The following ITPR2 variants were observed in gnomAD, a reference collection of about 807,000 sequenced individuals.
The protein encoded by ITPR2 is inositol 1,4,5-trisphosphate-gated calcium channel ITPR2.
In ITPR2, 207 loss-of-function variants were observed where a neutral mutation model predicts 317.1. The ratio of observed to expected loss-of-function variants is 0.65; its 90% CI spans 0.58 to 0.73. The LOEUF is 0.73. ITPR2 is among the 30% of genes least tolerant of loss of function. ITPR2 has a pLI of 0.00. For missense variants in ITPR2, 2,613 were observed against 3,284.0 expected, an observed-to-expected ratio of 0.80 and a Z score of 4.99; for synonymous variants, 1,156 against 1,149.1, an observed-to-expected ratio of 1.01 and a Z score of -0.12.
chr12:26,567,976 TATTATA>T (rs1945029799), intron 34 of ITPR2, among the ~76,000 whole-genome samples: 1 of 9,038 alleles, frequency 1.1e-4, no homozygotes, highest in Non-Finnish European at 4.3e-4. Context: ...ATATTATATA[TATTATA>T]TATATATATA....
intron 5 of ITPR2, chr12:26,721,302 C>A: frequency 1.6e-6 from 1 of 618,758 alleles, no homozygotes; most frequent in South Asian, 2.0e-5. Flanking sequence ...AAGATATCAC[C>A]AGATAATTTA....
chr12:26,605,126 A>ATATATATAT lies in ITPR2; in HGVS notation c.3463-2421_3463-2420insATATATATA, dbSNP rs373595249. On this transcript the variant is annotated intron_variant, in intron 26 of 56. Coordinates refer to ENST00000381340, the MANE Select transcript of ITPR2 (RefSeq NM_002223.4). The stretch of plus-strand genomic sequence containing the variant: ...ATAAAAATAAAAAATAAAAAATAAA[A>ATATATATAT]ATATATATATATATATGAGAAAGTG... 1.3e-3 allele frequency among the ~76,000 whole-genome samples: 171 copies of ATATATATAT among 136,312 alleles called. No homozygotes were observed. The East Asian group carries it at 0.019, about 15-fold the overall frequency. The allele number at this position is 136,312 out of a possible 152,430, so 89.4% of individuals were successfully genotyped here.
At chr12:26,602,097 T>C (rs1422315632) in intron 28 of ITPR2, among the ~76,000 whole-genome samples, 7 of 152,066 alleles carry the variant, frequency 4.6e-5, no homozygotes, top group East Asian at 3.9e-4. Context: ...TCGAAAACAA[T>C]TGGGACAAAG....
At chr12:26,570,561 G>A (rs950384732) in intron 34 of ITPR2, among the ~76,000 whole-genome samples, 1 of 151,968 alleles carries the variant, frequency 6.6e-6, no homozygotes, top group Admixed American at 6.6e-5. Context: ...GGGACAAGTT[G>A]GCTTGTAAAT....
intron 13 of ITPR2, among the ~76,000 whole-genome samples, chr12:26,667,931 C>T (rs1342641870): frequency 6.6e-6 from 1 of 151,888 alleles, no homozygotes; most frequent in Non-Finnish European, 1.5e-5. Flanking sequence ...CATGTCAACC[C>T]TACATGTAAA....
intron 45 of ITPR2, among the ~76,000 whole-genome samples, chr12:26,472,062 T>A (rs915137537): frequency 6.6e-6 from 1 of 152,222 alleles, no homozygotes; most frequent in African/African-American, 2.4e-5. Context: ...CAGAGCACAA[T>A]GGTCTCTCTT....
chr12:26,552,612 C>A (rs1390017199), intron 36 of ITPR2, among the ~76,000 whole-genome samples: 1 of 152,148 alleles, frequency 6.6e-6, no homozygotes, highest in Non-Finnish European at 1.5e-5. Flanking sequence ...TCAGGCCTAG[C>A]AGGCAGAAGA....
At chr12:26,450,014 C>G (rs115210787) in intron 45 of ITPR2, among the ~76,000 whole-genome samples, 1 of 152,066 alleles carries the variant, frequency 6.6e-6, no homozygotes, top group Non-Finnish European at 1.5e-5. Flanking sequence ...CAGGGAAATA[C>G]GGGCACAATC....
At chr12:26,465,552 T>TGATCAAAC (rs1942150706) in intron 45 of ITPR2, among the ~76,000 whole-genome samples, 1 of 152,106 alleles carries the variant, frequency 6.6e-6, no homozygotes, top group South Asian at 2.1e-4. Flanking sequence ...GCTGAGCAAA[T>TGATCAAAC]GATCAAACGA....
At chr12:26,829,387 ATGGTGTG>A (rs1951063152) in intron 1 of ITPR2, among the ~76,000 whole-genome samples, 3 of 150,932 alleles carry the variant, frequency 2.0e-5, no homozygotes, top group Non-Finnish European at 4.4e-5. Context: ...CTGGAGTGCA[ATGGTGTG>A]ACTGTTGCTC....
At chr12:26,544,911 T>C (rs184995697) in intron 37 of ITPR2, among the ~76,000 whole-genome samples, 1 of 151,910 alleles carries the variant, frequency 6.6e-6, no homozygotes, top group South Asian at 2.1e-4. Flanking sequence ...ACATTTGCAA[T>C]GTGGAGGTAA....
chr12:26,383,076 T>C (rs1939556448), intron 55 of ITPR2, among the ~76,000 whole-genome samples: 1 of 152,120 alleles, frequency 6.6e-6, no homozygotes, highest in South Asian at 2.1e-4. Flanking sequence ...CTCCCTACAG[T>C]AAGGAGTGAT....
intron 10 of ITPR2, among the ~76,000 whole-genome samples, chr12:26,689,554 G>A (rs141417494): frequency 6.0e-4 from 92 of 152,294 alleles, no homozygotes; most frequent in African/African-American, 2.2e-3. Context: ...TCTACATCAT[G>A]TACCTCAACA....
At chr12:26,807,484 T>C (rs1254654490) in intron 1 of ITPR2, among the ~76,000 whole-genome samples, 1 of 152,128 alleles carries the variant, frequency 6.6e-6, no homozygotes, top group Non-Finnish European at 1.5e-5. Flanking sequence ...AGAGGGTAGG[T>C]GAGAAGTCAA....
intron 2 of ITPR2, among the ~76,000 whole-genome samples, chr12:26,728,121 A>G (rs1329883658): frequency 6.6e-6 from 1 of 152,158 alleles, no homozygotes; most frequent in South Asian, 2.1e-4. Flanking sequence ...ACTCTTACAG[A>G]CTTTTAAGCT....
At chr12:26,613,057 T>C (rs1421693199) in intron 26 of ITPR2, among the ~76,000 whole-genome samples, 1 of 152,172 alleles carries the variant, frequency 6.6e-6, no homozygotes, top group Non-Finnish European at 1.5e-5. Flanking sequence ...ATGAAGTGTG[T>C]TCGTTCGTTG....
At chr12:26,376,677 T>A (rs1183500109) in intron 55 of ITPR2, among the ~76,000 whole-genome samples, 5 of 152,212 alleles carry the variant, frequency 3.3e-5, no homozygotes, top group Non-Finnish European at 7.4e-5. Context: ...ACTTTCAGGA[T>A]AAAGTAAATC....
At chr12:26,708,623 A>G (rs1475579185) in intron 9 of ITPR2, among the ~76,000 whole-genome samples, 1 of 152,192 alleles carries the variant, frequency 6.6e-6, no homozygotes, top group Non-Finnish European at 1.5e-5. Flanking sequence ...GGAGGGAGAG[A>G]AAAGGTGGAG....
At chr12:26,802,587 CTATATATAGATATAGATATAGA>C (rs1202413601) in intron 1 of ITPR2, among the ~76,000 whole-genome samples, 10 of 9,408 alleles carry the variant, frequency 1.1e-3, no homozygotes, top group African/African-American at 2.3e-3. Flanking sequence ...ATAGATATAT[CTATATATAGATATAGATATAGA>C]TATATATAGA....
Sources: gnomAD v4.1 joint callset for allele counts (sites outside exome capture counted in the v4.1 genomes callset) on GRCh38, gnomAD v4.1.1 for gene constraint, MANE v1.5 for transcripts, NCBI Gene and HGNC (gene_info 2026-07-23, HGNC 2026-07-21) for gene names.